Variants in CPQ observed in about 807,000 individuals in gnomAD.
The protein encoded by CPQ is carboxypeptidase Q.
Under a neutral mutation model 45.7 loss-of-function variants are expected in CPQ, and 37 were observed. That is an observed-to-expected ratio of 0.81 (90% CI 0.62 to 1.07). The LOEUF (loss-of-function observed/expected upper bound fraction) is 1.07, where lower values mean the gene tolerates loss of function less well. CPQ is among the 50% of genes least tolerant of loss of function. CPQ has a pLI of 0.00. For synonymous variants in CPQ, 186 were observed against 205.8 expected (o/e 0.90, Z 0.82); for missense variants, 537 against 572.9 (o/e 0.94, Z 0.64).
At chr8:97,009,426 G>C (rs1766574255) in intron 5 of CPQ, among the ~76,000 whole-genome samples, 1 of 152,154 alleles carries the variant, frequency 6.6e-6, no homozygotes. Flanking sequence ...TAAAGAGTGA[G>C]TGTGGTTTGT....
chr8:96,950,153 T>C (rs1274150230), intron 4 of CPQ, among the ~76,000 whole-genome samples: 1 of 152,144 alleles, frequency 6.6e-6, no homozygotes, highest in Non-Finnish European at 1.5e-5. Context: ...AATGTACTTA[T>C]TGTTTATACT....
chr8:97,137,129 A>ACTT (rs1812074009), intron 7 of CPQ, among the ~76,000 whole-genome samples: 1 of 152,232 alleles, frequency 6.6e-6, no homozygotes, highest in Admixed American at 6.5e-5. Context: ...GTTCATGGGA[A>ACTT]CTTAGATGAT....
intron 2 of CPQ, among the ~76,000 whole-genome samples, chr8:96,785,869 G>A (rs1810761887): frequency 2.6e-5 from 4 of 152,116 alleles, no homozygotes; most frequent in Admixed American, 1.3e-4. Flanking sequence ...CCAGATCAGG[G>A]ATGTATAGCC....
rs528087696 is a variant in CPQ at position 96,814,301 on chromosome 8, C to T, written c.434-20672C>T. Among the ~76,000 whole-genome samples, 10 of 152,046 alleles carry T rather than the reference C, an allele frequency of 6.6e-5. No homozygotes were observed. In the South Asian group the frequency reaches 2.1e-3, roughly 32 times the overall value. ...CACTTAGATTGGAGATTACGAATGC[C>T]GTGAAGGCAAGTAACTGCCTTTCTT... On this transcript the variant is annotated intron_variant, in intron 2 of 7. Coordinates refer to ENST00000220763, the MANE Select transcript of CPQ (RefSeq NM_016134.4).
At chr8:96,907,652 G>A (rs1812595926) in intron 4 of CPQ, among the ~76,000 whole-genome samples, 1 of 152,016 alleles carries the variant, frequency 6.6e-6, no homozygotes, top group African/African-American at 2.4e-5. Flanking sequence ...TGGAGTATCA[G>A]TGTTTCCTTT....
intron 7 of CPQ, among the ~76,000 whole-genome samples, chr8:97,080,933 T>TTTCCTTCCTTCCTTCC (rs762353071): frequency 1.3e-5 from 2 of 151,582 alleles, no homozygotes; most frequent in African/African-American, 2.4e-5. Flanking sequence ...TCCTTCCTTC[T>TTTCCTTCCTTCCTTCC]TTCCTTCCTT....
chr8:96,763,963 C>A (rs543540941), intron 1 of CPQ, among the ~76,000 whole-genome samples: 7 of 152,276 alleles, frequency 4.6e-5, no homozygotes, highest in Non-Finnish European at 1.0e-4. Context: ...CTTTGAAAAA[C>A]AACTTGGCAG....
intron 1 of CPQ, among the ~76,000 whole-genome samples, chr8:96,693,821 T>TATAACACTG (rs1471282919): frequency 6.6e-6 from 1 of 152,132 alleles, no homozygotes; most frequent in East Asian, 1.9e-4. Context: ...AATGGAATAT[T>TATAACACTG]ATAACACTGT....
chr8:96,664,561 C>T (rs566356816), intron 1 of CPQ, among the ~76,000 whole-genome samples: 133 of 152,222 alleles, frequency 8.7e-4, no homozygotes, highest in African/African-American at 3.2e-3. Flanking sequence ...GGTCAGACAG[C>T]CTTAGTTTAT....
intron 6 of CPQ, among the ~76,000 whole-genome samples, chr8:97,031,427 C>T (rs930935452): frequency 1.4e-4 from 22 of 152,080 alleles, no homozygotes; most frequent in Admixed American, 1.4e-3. Context: ...ACCTTGTGAT[C>T]TGCCCGCCTC....
chr8:96,846,682 C>G (rs552244539), intron 3 of CPQ, among the ~76,000 whole-genome samples: 35 of 152,206 alleles, frequency 2.3e-4, no homozygotes, highest in Non-Finnish European at 4.7e-4. Context: ...GAGCAAGGAC[C>G]ACCTCTAACA....
In CPQ at chr8:97,033,703, A is replaced by C. The variant is rs1201526973; in HGVS notation, c.1053+4209A>C. Among the ~76,000 whole-genome samples the C allele has an allele frequency of 2.0e-5, 3 of 152,068 alleles. No individual in the cohort carries two copies. In the East Asian group the frequency reaches 5.8e-4, roughly 29 times the overall value. On this transcript the variant is annotated intron_variant, in intron 6 of 7. Coordinates refer to ENST00000220763, the MANE Select transcript of CPQ (RefSeq NM_016134.4). ...AACCTACATGGCACTAGCTAGGGAGAAAAACAATACGTAGATTATTATTTC... is the reference window on the plus strand; with the variant it reads ...AACCTACATGGCACTAGCTAGGGAGCAAAACAATACGTAGATTATTATTTC...
intron 1 of CPQ, among the ~76,000 whole-genome samples, chr8:96,778,647 T>A (rs1296306079): frequency 6.6e-6 from 1 of 152,208 alleles, no homozygotes; most frequent in East Asian, 1.9e-4. Context: ...TTGTGGAATT[T>A]GAAAATACAG....
chr8:97,043,388 G>A (rs1212403597), intron 6 of CPQ, among the ~76,000 whole-genome samples: 10 of 151,810 alleles, frequency 6.6e-5, no homozygotes, highest in Non-Finnish European at 1.0e-4. Flanking sequence ...GTCTCTGCAC[G>A]TGAGATGGGT....
intron 1 of CPQ, among the ~76,000 whole-genome samples, chr8:96,646,994 C>A (rs973531244): frequency 6.6e-6 from 1 of 152,148 alleles, no homozygotes; most frequent in Non-Finnish European, 1.5e-5. Context: ...CTGGGTCTGA[C>A]TTTTTTCCAG....
At chr8:96,775,383 T>C (rs1810592528) in intron 1 of CPQ, among the ~76,000 whole-genome samples, 1 of 152,160 alleles carries the variant, frequency 6.6e-6, no homozygotes, top group African/African-American at 2.4e-5. Context: ...TTTCAAAATG[T>C]GAATTCTAAG....
In CPQ at chr8:96,899,579, C is replaced by T. The variant is rs573435992; in HGVS notation, c.849+19574C>T. On this transcript the variant is annotated intron_variant, in intron 4 of 7. Coordinates refer to ENST00000220763, the MANE Select transcript of CPQ (RefSeq NM_016134.4). ...AGGTGAAGGAGAAGCAGGCAACTCACGTGGCGGGAGTGGGAGCAAGAGAGA... is the reference window on the plus strand; with the variant it reads ...AGGTGAAGGAGAAGCAGGCAACTCATGTGGCGGGAGTGGGAGCAAGAGAGA... Among the ~76,000 whole-genome samples the T allele has an allele frequency of 2.9e-4, 44 of 152,182 alleles. 1 individual carries two copies. Among genetic ancestry groups the T allele is most frequent in the Middle Eastern group, 3.4e-3 (1 of 294 alleles).
chr8:97,055,879 C>T (rs951549328), intron 6 of CPQ, among the ~76,000 whole-genome samples: 3 of 152,076 alleles, frequency 2.0e-5, no homozygotes, highest in Non-Finnish European at 4.4e-5. Context: ...GTGGGTGGAT[C>T]ACCTGAGCCC....
chr8:96,947,086 C>G (rs1221251174), intron 4 of CPQ, among the ~76,000 whole-genome samples: 1 of 152,132 alleles, frequency 6.6e-6, no homozygotes, highest in Non-Finnish European at 1.5e-5. Flanking sequence ...GGCCAGCACA[C>G]AGTGGTTTGA....
Sources: gnomAD v4.1 joint callset for allele counts (sites outside exome capture counted in the v4.1 genomes callset) on GRCh38, gnomAD v4.1.1 for gene constraint, MANE v1.5 for transcripts, NCBI Gene and HGNC (gene_info 2026-07-23, HGNC 2026-07-21) for gene names.